Variants in MED12L observed in about 807,000 individuals in gnomAD.
MED12L encodes mediator of RNA polymerase II transcription subunit 12-like protein.
A neutral mutation model predicts 281.3 loss-of-function variants in MED12L; 60 were observed. The observed-to-expected ratio is 0.21, with a 90% CI of 0.17 to 0.26. The LOEUF is 0.26. Ranked by LOEUF, MED12L falls within the 10% of genes least tolerant of loss-of-function variation. MED12L has a pLI of 1.00. For missense variants in MED12L, 2,146 were observed against 2,680.9 expected (o/e 0.80, Z 4.41); for synonymous variants, 974 against 987.2 (o/e 0.99, Z 0.25).
At chr3:151,224,309 A>G (rs1313898035) in intron 16 of MED12L, among the ~76,000 whole-genome samples, 1 of 152,054 alleles carries the variant, frequency 6.6e-6, no homozygotes, top group Non-Finnish European at 1.5e-5. Flanking sequence ...ATCTTTTTCT[A>G]TGAGATAAAT....
At chr3:151,327,593 C>A in intron 16 of MED12L, 1 of 151,260 alleles carries the variant, frequency 6.6e-6, no homozygotes, top group Non-Finnish European at 1.5e-5. Context: ...CAGCACATAT[C>A]TACATTTAAG....
chr3:151,185,612 A>G, intron 12 of MED12L, 151 bp downstream of exon 12: 1 of 780,962 alleles, frequency 1.3e-6, no homozygotes, highest in Non-Finnish European at 2.0e-6. Context: ...AGATTCTTAT[A>G]GTAGAATCTC....
chr3:151,226,233 T>G (rs1730465914), intron 16 of MED12L, among the ~76,000 whole-genome samples: 1 of 152,088 alleles, frequency 6.6e-6, no homozygotes, highest in Non-Finnish European at 1.5e-5. Flanking sequence ...GACAAATGAG[T>G]TGGCTTTAGC....
intron 16 of MED12L, among the ~76,000 whole-genome samples, chr3:151,342,942 A>T (rs1752056384): frequency 6.6e-6 from 1 of 152,166 alleles, no homozygotes; most frequent in African/African-American, 2.4e-5. Context: ...CATTCTCTGG[A>T]TGAGGGGAAC....
chr3:151,248,577 C>T (rs1379508269), intron 16 of MED12L, among the ~76,000 whole-genome samples: 1 of 152,118 alleles, frequency 6.6e-6, no homozygotes, highest in Non-Finnish European at 1.5e-5. Flanking sequence ...ACCCATCCGA[C>T]TGTCTGGATA....
intron 16 of MED12L, chr3:151,213,303 C>G (rs373092950): frequency 1.2e-5 from 19 of 1,597,454 alleles, no homozygotes; most frequent in Admixed American, 3.5e-5. Context: ...TAGGAACTCA[C>G]AAAGTATCTG....
At chr3:151,228,401 C>T (rs185868305) in intron 16 of MED12L, among the ~76,000 whole-genome samples, 20 of 152,194 alleles carry the variant, frequency 1.3e-4, no homozygotes, top group Admixed American at 6.5e-4. Context: ...GAACATTGCG[C>T]GTACAGGGAG....
Position 151,302,803 on chromosome 3 carries a change from G to T in MED12L, c.2251-47256G>T, listed in dbSNP as rs73869190. ...TCATAAGGTCGTTTACTAAGAGTCT[G>T]CTCATATTTCAGGCCCTGGAGTTTA... On this transcript the variant is annotated intron_variant, in intron 16 of 44. Coordinates refer to ENST00000687756, the MANE Select transcript of MED12L (RefSeq NM_001393769.1). 8.3e-3 allele frequency among the ~76,000 whole-genome samples: 1,263 copies of T among 152,216 alleles called. 19 individuals are homozygous for T. The highest frequency in any genetic ancestry group is 0.029 in the African/African-American group (1,187 of 41,526).
chr3:151,414,605 G>A (rs1717341450), intron 42 of MED12L, among the ~76,000 whole-genome samples: 1 of 152,046 alleles, frequency 6.6e-6, no homozygotes, highest in Admixed American at 6.6e-5. Flanking sequence ...CCAGGTGACA[G>A]GCAAAAGCCA....
At chr3:151,329,153 GGAAA>G (rs1750058046) in intron 16 of MED12L, 1 of 640,194 alleles carries the variant, frequency 1.6e-6, no homozygotes. Flanking sequence ...GTGTTGAAAA[GGAAA>G]ATACTGTTTT....
At chr3:151,394,553 C>A in intron 38 of MED12L, 103 bp from the exon 39 acceptor site, 2 of 1,540,074 alleles carry the variant, frequency 1.3e-6, no homozygotes, top group African/African-American at 1.4e-5. Flanking sequence ...CTACTTTGTT[C>A]ATAAAGTGAG....
chr3:151,170,450 A>G (rs760651095), intron 11 of MED12L, among the ~76,000 whole-genome samples: 5 of 151,086 alleles, frequency 3.3e-5, no homozygotes, highest in Non-Finnish European at 5.9e-5. Flanking sequence ...TAATTTTTCT[A>G]TTTTTAGTAG....
chr3:151,213,566 T>C, intron 16 of MED12L: 1 of 1,614,130 alleles, frequency 6.2e-7, no homozygotes, highest in Non-Finnish European at 8.5e-7. Flanking sequence ...ATTCTGGCAA[T>C]ATGGTAAGGT....
At chr3:151,215,860 C>G (rs1192860964) in intron 16 of MED12L, among the ~76,000 whole-genome samples, 1 of 152,202 alleles carries the variant, frequency 6.6e-6, no homozygotes, top group African/African-American at 2.4e-5. Context: ...CCATCTGCCT[C>G]CTTTTAGGTT....
chr3:151,270,176 A>G, intron 16 of MED12L: 1 of 181,474 alleles, frequency 5.5e-6, no homozygotes, highest in Non-Finnish European at 1.1e-5. Context: ...AATTTTCTCC[A>G]GTTCCTGGGA....
chr3:151,154,052 C>T (rs563528260), intron 5 of MED12L, among the ~76,000 whole-genome samples: 9 of 152,134 alleles, frequency 5.9e-5, no homozygotes, highest in African/African-American at 1.4e-4. Context: ...CTCATTGGTC[C>T]GGTTTCATTA....
chr3:151,200,436 TTTATA>T (rs1428341942), intron 16 of MED12L, among the ~76,000 whole-genome samples: 1 of 152,238 alleles, frequency 6.6e-6, no homozygotes, highest in African/African-American at 2.4e-5. Flanking sequence ...AAGGAAACAT[TTTATA>T]TTATAATACA....
chr3:151,266,555 C>T (rs1019055151), intron 16 of MED12L, among the ~76,000 whole-genome samples: 3 of 152,158 alleles, frequency 2.0e-5, no homozygotes, highest in Non-Finnish European at 1.5e-5. Flanking sequence ...TCCACCTTAG[C>T]GTTAGCTATA....
chr3:151,338,369 G>A (rs764709900), intron 16 of MED12L: 1 of 1,614,134 alleles, frequency 6.2e-7, no homozygotes. Context: ...TCAGAATCAT[G>A]TTAGGCAAAG....
Sources: allele counts gnomAD v4.1 joint callset (sites outside exome capture counted in the v4.1 genomes callset), GRCh38; gene constraint gnomAD v4.1.1; transcripts MANE v1.5; gene names NCBI Gene and HGNC (gene_info 2026-07-23, HGNC 2026-07-21).